Variants in IMPG1 observed in about 807,000 individuals in gnomAD.
IMPG1 encodes the protein interphotoreceptor matrix proteoglycan 1.
IMPG1 carries 85 observed loss-of-function variants against 92.0 expected under a neutral mutation model. That is an observed-to-expected ratio of 0.92 (90% confidence interval 0.78 to 1.11). The LOEUF is 1.11. Among genes scored for constraint, IMPG1 ranks in the 50% least tolerant of loss-of-function variants. The probability of loss-of-function intolerance (pLI) is 0.00; values close to 1 mark genes in which losing one functional copy is unlikely to be tolerated. For synonymous variants in IMPG1, 367 were observed against 334.1 expected, an observed-to-expected ratio of 1.10 and a Z score of -1.08; for missense variants, 1,022 against 956.0, an observed-to-expected ratio of 1.07 and a Z score of -0.91.
intron 12 of IMPG1, among the ~76,000 whole-genome samples, chr6:75,988,853 G>A (rs545348800): frequency 1.3e-5 from 2 of 152,140 alleles, no homozygotes; most frequent in Non-Finnish European, 2.9e-5. Flanking sequence ...CAGCATTGAT[G>A]TTTGTGTCTT....
At chr6:75,985,062 A>C (rs1782690603) in intron 12 of IMPG1, among the ~76,000 whole-genome samples, 1 of 152,242 alleles carries the variant, frequency 6.6e-6, no homozygotes, top group Admixed American at 6.5e-5. Flanking sequence ...AGCCTAACAC[A>C]ATGTTGCACA....
chr6:75,985,700 C>T (rs574162680), intron 12 of IMPG1, among the ~76,000 whole-genome samples: 1 of 152,218 alleles, frequency 6.6e-6, no homozygotes, highest in South Asian at 2.1e-4. Context: ...CCAGGCTGGA[C>T]AAAGCTTGGA....
intron 15 of IMPG1, among the ~76,000 whole-genome samples, chr6:75,926,536 C>T (rs530474368): frequency 6.6e-6 from 1 of 152,230 alleles, no homozygotes; most frequent in East Asian, 1.9e-4. Flanking sequence ...GAAACTGTCC[C>T]CTATATTTAG....
intron 1 of IMPG1, among the ~76,000 whole-genome samples, chr6:76,045,630 T>A (rs1783927948): frequency 6.6e-6 from 1 of 151,956 alleles, no homozygotes; most frequent in African/African-American, 2.4e-5. Context: ...GAACTTAGGA[T>A]CACTTGAGTC....
chr6:75,988,015 C>G (rs1230726427), intron 12 of IMPG1, among the ~76,000 whole-genome samples: 1 of 152,178 alleles, frequency 6.6e-6, no homozygotes, highest in Non-Finnish European at 1.5e-5. Context: ...TTAATCCAGT[C>G]TATCATTGAT....
At chr6:75,968,674 T>G (rs1426437968) in intron 12 of IMPG1, among the ~76,000 whole-genome samples, 1 of 152,166 alleles carries the variant, frequency 6.6e-6, no homozygotes, top group Non-Finnish European at 1.5e-5. Context: ...CCTCTCAACA[T>G]ATTAAGTTTT....
At position 76,042,003 on chromosome 6, in the gene IMPG1, G is replaced by A. The variant is rs2127594546; in HGVS notation, c.191C>T (p.Ala64Val). The A allele has an allele frequency of 6.2e-7, 1 of 1,613,312 alleles. No homozygotes were observed. Among genetic ancestry groups the A allele is most frequent in the South Asian group, 1.1e-5 (1 of 91,066 alleles). The part of the protein sequence containing the change: ...MSTMRRIFDL[A>V]KHRTKRSAFF... Reference sequence around the variant, plus strand: ...TGCGGATCTTTTTGTTCGATGCTTTGCCAAATCGAATATTCGTCTCATAGT... The same window carrying A: ...TGCGGATCTTTTTGTTCGATGCTTTACCAAATCGAATATTCGTCTCATAGT... The change falls in exon 2 of 17, where the codon GCA becomes GTA. Residue 64 changes from alanine to valine, a missense_variant. Ala to Val is a moderately conservative substitution (Grantham distance 64, BLOSUM62 0). Coordinates refer to ENST00000369950, the MANE Select transcript of IMPG1 (RefSeq NM_001563.4).
intron 1 of IMPG1, among the ~76,000 whole-genome samples, chr6:76,068,211 TA>T (rs144648126): frequency 1.3e-5 from 2 of 152,202 alleles, no homozygotes; most frequent in East Asian, 3.9e-4. Flanking sequence ...AAGAAAGAAA[TA>T]AAGTATTCCA....
At chr6:75,935,043 GTCTC>G (rs752273854) in intron 14 of IMPG1, 1 of 470,170 alleles carries the variant, frequency 2.1e-6, no homozygotes, top group Non-Finnish European at 4.4e-6. Flanking sequence ...GTCCCGTTGG[GTCTC>G]TCTTTCGTGG....
chr6:76,016,960 A>T (rs1475626486), intron 7 of IMPG1, among the ~76,000 whole-genome samples: 1 of 152,128 alleles, frequency 6.6e-6, no homozygotes, highest in East Asian at 1.9e-4. Flanking sequence ...AAGCAGTCTC[A>T]AGAAAGGGTG....
intron 12 of IMPG1, among the ~76,000 whole-genome samples, chr6:75,980,747 G>T (rs1782613449): frequency 6.6e-6 from 1 of 152,208 alleles, no homozygotes; most frequent in African/African-American, 2.4e-5. Flanking sequence ...TGGAACTCGG[G>T]CTGTCTTCCT....
chr6:76,068,777 A>T (rs1784354411), intron 1 of IMPG1, among the ~76,000 whole-genome samples: 1 of 152,044 alleles, frequency 6.6e-6, no homozygotes, highest in South Asian at 2.1e-4. Context: ...TCAGCCTCCC[A>T]AAGTGCTGGG....
At chr6:76,027,937 C>A (rs1456287521) in intron 4 of IMPG1, among the ~76,000 whole-genome samples, 1 of 152,190 alleles carries the variant, frequency 6.6e-6, no homozygotes, top group Non-Finnish European at 1.5e-5. Context: ...CTTCCTGACA[C>A]CTGGCTTTTT....
intron 14 of IMPG1, among the ~76,000 whole-genome samples, chr6:75,943,265 A>G (rs144600094): frequency 4.6e-5 from 7 of 152,170 alleles, no homozygotes; most frequent in African/African-American, 2.4e-5. Flanking sequence ...TGAATCTCAT[A>G]TTAAAAATCT....
Position 76,034,408 on chromosome 6 carries a change from C to A in IMPG1, c.469-65G>T, listed in dbSNP as rs1259383742. 7 of 1,445,094 alleles carry A rather than the reference C, an allele frequency of 4.8e-6. No homozygotes were observed. The East Asian group carries it at 1.1e-4, about 24-fold the overall frequency. The allele number at this position is 1,445,094 out of a possible 1,614,324, so 89.5% of individuals were successfully genotyped here. ...ATAATGCCAACCGAAGAGTTAAAGT[C>A]AATTTTCATTCCCTTCTCCCTTAAC... On this transcript the variant is annotated intron_variant, in intron 3 of 16. Coordinates refer to ENST00000369950, the MANE Select transcript of IMPG1 (RefSeq NM_001563.4).
chr6:76,029,528 T>C (rs1403058728), intron 4 of IMPG1, among the ~76,000 whole-genome samples: 7 of 152,218 alleles, frequency 4.6e-5, no homozygotes, highest in Admixed American at 1.3e-4. Flanking sequence ...CATTAGTTGT[T>C]TTTAAGATTT....
chr6:76,045,206 G>C (rs1414372643), intron 1 of IMPG1, among the ~76,000 whole-genome samples: 3 of 152,184 alleles, frequency 2.0e-5, no homozygotes. Context: ...GAAGACCCAA[G>C]ACAAATGTTC....
At chr6:75,975,175 G>A (rs986165789) in intron 12 of IMPG1, among the ~76,000 whole-genome samples, 1 of 152,208 alleles carries the variant, frequency 6.6e-6, no homozygotes, top group African/African-American at 2.4e-5. Context: ...ATTTGTGTTT[G>A]GTCTGTGAAT....
intron 15 of IMPG1, among the ~76,000 whole-genome samples, chr6:75,926,919 C>T (rs1353244367): frequency 1.3e-5 from 2 of 152,154 alleles, no homozygotes; most frequent in South Asian, 4.1e-4. Flanking sequence ...GGAAACTGCT[C>T]TTTGTGTGTC....
Sources: allele counts gnomAD v4.1 joint callset (sites outside exome capture counted in the v4.1 genomes callset), GRCh38; gene constraint gnomAD v4.1.1; transcripts MANE v1.5; gene names NCBI Gene and HGNC (gene_info 2026-07-23, HGNC 2026-07-21).